The following ELAVL3 variants were observed in gnomAD, a reference collection of about 807,000 sequenced individuals.
ELAVL3 encodes the protein ELAV-like protein 3.
Under a neutral mutation model 34.2 loss-of-function variants are expected in ELAVL3, and 8 were observed. The observed-to-expected ratio is 0.23, with a 90% CI of 0.14 to 0.42. The LOEUF (loss-of-function observed/expected upper bound fraction) is 0.42. Among genes scored for constraint, ELAVL3 ranks in the 10% least tolerant of loss-of-function variants. The pLI, the probability that ELAVL3 is intolerant of heterozygous loss-of-function variation, is 1.00. For synonymous variants in ELAVL3, 209 were observed against 222.1 expected, an observed-to-expected ratio of 0.94 and a Z score of 0.53; for missense variants, 273 against 518.8, an observed-to-expected ratio of 0.53 and a Z score of 4.60.
At chr19:11,470,179 AC>A (rs1455214838) in intron 1 of ELAVL3, among the ~76,000 whole-genome samples, 1 of 151,134 alleles carries the variant, frequency 6.6e-6, no homozygotes, top group Non-Finnish European at 1.5e-5. Context: ...ATATGGTGAA[AC>A]CCCGCCTCTA....
chr19:11,475,864 C>G (rs149800546), intron 1 of ELAVL3, among the ~76,000 whole-genome samples: 15 of 152,254 alleles, frequency 9.9e-5, no homozygotes, highest in Non-Finnish European at 1.6e-4. Flanking sequence ...ACCTGCCTGC[C>G]TTGGCCTCCC....
At position 11,466,027 on chromosome 19, in the gene ELAVL3, T is replaced by C. The variant is rs902743984; in HGVS notation, c.333+145A>G. The C allele has an allele frequency of 1.8e-5, 13 of 737,116 alleles. No homozygotes were observed. Among genetic ancestry groups the C allele is most frequent in the African/African-American group, 3.5e-5 (2 of 57,202 alleles). 45.7% of individuals were successfully genotyped at this position (737,116 alleles called of 1,614,324 possible). ...TTGCCCCCACCCCAGCTAGGAAGTC[T>C]TGGAGGGGAGATTTGAGCCCCTCTG... On this transcript the variant is annotated intron_variant, in intron 3 of 6. Coordinates refer to ENST00000359227, the MANE Select transcript of ELAVL3 (RefSeq NM_001420.4). This position sits in a 1 kb window ranked among gnomAD's most constrained non-coding sequence, Gnocchi z 5.0.
Position 11,466,754 on chromosome 19 carries a change from A to G in ELAVL3, c.83T>C (p.Leu28Pro), listed in dbSNP as rs759692370. Residue 28 changes from leucine to proline, a missense_variant, in exon 2 of 7, where the codon CTT (leucine) becomes CCT (proline). Transcript: ENST00000359227. The surrounding 1 kb of genome is among the most constrained non-coding windows in gnomAD (Gnocchi z 5.0). ...AGPALPNGPLLGTNGATDDSK... is the reference protein window; with the variant it reads ...AGPALPNGPLPGTNGATDDSK... ...GTCGTCAGTGGCTCCATTTGTACCA[A>G]GGAGTGGCCCGTTGGGCAGGGCCGG... 6.2e-7 allele frequency: 1 copy of G among 1,614,132 alleles called. No homozygotes were observed. Among genetic ancestry groups the G allele is most frequent in the East Asian group, 2.2e-5 (1 of 44,866 alleles).
In ELAVL3 at chr19:11,454,787, G is replaced by T. The variant is rs532772287; in HGVS notation, c.843C>A (p.Gly281=). ...AGVGLSGGAA[G]AGWCIFVYNL... Reference sequence around the variant, plus strand: ...TGTACACGAAGATGCACCAGCCGGCGCCCGCCGCGCCCCCCGACAGGCCCA... The same window carrying T: ...TGTACACGAAGATGCACCAGCCGGCTCCCGCCGCGCCCCCCGACAGGCCCA... The change falls in exon 7 of 7, where the codon GGC becomes GGA. Residue 281 remains glycine (G), a synonymous_variant. Coordinates refer to ENST00000359227, the MANE Select transcript of ELAVL3 (RefSeq NM_001420.4). The surrounding 1 kb of genome is among the most constrained non-coding windows in gnomAD (Gnocchi z 9.2). The T allele has an allele frequency of 3.8e-5, 62 of 1,612,206 alleles. No homozygotes were observed. Among genetic ancestry groups the T allele is most frequent in the Non-Finnish European group, 5.0e-5 (59 of 1,179,762 alleles).
intron 1 of ELAVL3, among the ~76,000 whole-genome samples, chr19:11,472,413 C>T (rs1043710411): frequency 1.4e-4 from 21 of 152,054 alleles, no homozygotes; most frequent in Admixed American, 1.4e-3. Flanking sequence ...TCAGAAACCA[C>T]ATTTAGGCAA....
At position 11,453,849 on chromosome 19, in the gene ELAVL3, C is replaced by CT. The variant is rs1239977834; in HGVS notation, c.*676dup. The CT allele has an allele frequency of 3.4e-5, 3 of 89,426 alleles. No homozygotes were observed. The highest frequency in any genetic ancestry group is 3.7e-4 in the East Asian group (1 of 2,720). 5.5% of individuals were successfully genotyped at this position (89,426 alleles called of 1,614,324 possible). A position where few individuals can be genotyped will look rare whatever the true frequency, so the allele number is the denominator to read the frequency against. On this transcript the variant is annotated 3_prime_UTR_variant, in exon 7 of 7. Coordinates refer to ENST00000359227, the MANE Select transcript of ELAVL3 (RefSeq NM_001420.4). The stretch of plus-strand genomic sequence containing the variant: ...AAATATTTTCTTTTTTTTTTTTTGT[C>CT]TTTTTTTGTGTTTTTTTTTTTCAAG...
Position 11,457,122 on chromosome 19 carries a change from T to C in ELAVL3, c.740A>G (p.Tyr247Cys), listed in dbSNP as rs372263225. Residue 247 changes from tyrosine (Y) to cysteine (C), a missense_variant, in exon 6 of 7, where the codon TAC (tyrosine) becomes TGC (cysteine). Tyr to Cys is a radical substitution (Grantham distance 194). This residue lies in a region of ELAVL3 where 79 missense variants were observed against 108.2 expected (regional missense o/e 0.73). Coordinates refer to ENST00000359227, the MANE Select transcript of ELAVL3 (RefSeq NM_001420.4). ...GGGTCACTGTTACCTCTTGACGCCG[T>C]AGGCCATGTTGAGCAAATTGTCCAG... is the stretch of plus-strand genomic sequence containing the variant. ...FRLDNLLNMA[Y>C]GVKSPLSLIA... is the part of the protein sequence containing the mutation. 1 of 1,542,038 alleles carries C rather than the reference T, an allele frequency of 6.5e-7. No homozygotes were observed. Among genetic ancestry groups the C allele is most frequent in the Non-Finnish European group, 8.7e-7 (1 of 1,152,424 alleles).
chr19:11,459,384 C>T (rs1568379828), intron 3 of ELAVL3, among the ~76,000 whole-genome samples: 1 of 152,056 alleles, frequency 6.6e-6, no homozygotes, highest in Admixed American at 6.6e-5. Context: ...CCGCTCATCT[C>T]GGCCTCCCAA....
At position 11,466,830 on chromosome 19, in the gene ELAVL3, G is replaced by A. The variant is rs1439784467; in HGVS notation, c.10-3C>T. On this transcript the variant is annotated splice_polypyrimidine_tract_variant and splice_region_variant and intron_variant, in intron 1 of 6. Coordinates refer to ENST00000359227, the MANE Select transcript of ELAVL3 (RefSeq NM_001420.4). The surrounding 1 kb of genome is among the most constrained non-coding windows in gnomAD (Gnocchi z 5.0). The stretch of plus-strand genomic sequence containing the variant: ...GACTCCATGGCCCCCAGTATCTGCT[G>A]GAGATAACAGGTCGCATCCGCTCAC... 1.3e-6 allele frequency: 2 copies of A among 1,594,650 alleles called. No individual in the cohort carries two copies. The highest frequency in any genetic ancestry group is 1.8e-5 in the Admixed American group (1 of 56,026).
rs1970665673 is a variant in ELAVL3 at position 11,452,345 on chromosome 19, CAG to C, written c.*2179_*2180del. The C allele has an allele frequency of 6.6e-6, 1 of 152,036 alleles. No homozygotes were observed. The highest frequency in any genetic ancestry group is 1.5e-5 in the Non-Finnish European group (1 of 68,016). 9.4% of individuals were successfully genotyped at this position (152,036 alleles called of 1,614,324 possible). On this transcript the variant is annotated 3_prime_UTR_variant, in exon 7 of 7. Transcript: ENST00000359227. Reference sequence around the variant, plus strand: ...TTAACTTGCAAACCGGATGAAGTAACAGAAATATACACGGATGTCCTTACAGG... The same window carrying C: ...TTAACTTGCAAACCGGATGAAGTAACAAATATACACGGATGTCCTTACAGG...
At chr19:11,479,060 C>A (rs1011086558) in intron 1 of ELAVL3, among the ~76,000 whole-genome samples, 3 of 152,064 alleles carry the variant, frequency 2.0e-5, no homozygotes, top group Admixed American at 2.0e-4. Context: ...GTCCTCAAGG[C>A]CCTTGTGTGA....
chr19:11,466,924 T>C lies in ELAVL3; in HGVS notation c.10-97A>G, dbSNP rs563425318. The C allele has an allele frequency of 1.3e-4, 134 of 1,006,990 alleles. No individual in the cohort carries two copies. In the Admixed American group the frequency reaches 3.1e-3, roughly 23 times the overall value. The allele number at this position is 1,006,990 out of a possible 1,614,324, so 62.4% of individuals were successfully genotyped here. On this transcript the variant is annotated intron_variant, in intron 1 of 6. Coordinates refer to ENST00000359227, the MANE Select transcript of ELAVL3 (RefSeq NM_001420.4). This position sits in a 1 kb window ranked among gnomAD's most constrained non-coding sequence, Gnocchi z 5.0. ...GTGGTGATGAATTAGCCATGTCTTA[T>C]AGGGGCTTCGTCATGGGGAGGGGTC...
At chr19:11,457,963 C>T in intron 5 of ELAVL3, 98 bp downstream of exon 5, 3 of 1,336,906 alleles carry the variant, frequency 2.2e-6, no homozygotes, top group Non-Finnish European at 3.1e-6. Context: ...GTGTGCGCAC[C>T]CTCCCGGCAT....
At chr19:11,459,117 T>C (rs1471314818) in intron 3 of ELAVL3, among the ~76,000 whole-genome samples, 5 of 143,998 alleles carry the variant, frequency 3.5e-5, no homozygotes, top group Non-Finnish European at 7.5e-5. Context: ...CTGACCAGCA[T>C]TTTTTTTTTC....
chr19:11,456,165 G>A (rs907463403), intron 6 of ELAVL3, among the ~76,000 whole-genome samples: 2 of 151,930 alleles, frequency 1.3e-5, no homozygotes, highest in African/African-American at 4.8e-5. Context: ...GAGTGCAGTG[G>A]CACGATCTCA....
Position 11,480,520 on chromosome 19 carries a change from CGCA to C in ELAVL3, c.9+77_9+79del. The C allele has an allele frequency of 2.8e-6, 4 of 1,426,350 alleles. No individual in the cohort carries two copies. Among genetic ancestry groups the C allele is most frequent in the Non-Finnish European group, 2.8e-6 (3 of 1,087,124 alleles). 88.4% of individuals were successfully genotyped at this position (1,426,350 alleles called of 1,614,324 possible). A position where few individuals can be genotyped will look rare whatever the true frequency, so the allele number is the denominator to read the frequency against. On this transcript the variant is annotated intron_variant, in intron 1 of 6. Coordinates refer to ENST00000359227, the MANE Select transcript of ELAVL3 (RefSeq NM_001420.4). This position sits in a 1 kb window ranked among gnomAD's most constrained non-coding sequence, Gnocchi z 6.8. The stretch of plus-strand genomic sequence containing the variant: ...CTAGGCCTGGTCCTACCCCCCCCGC[CGCA>C]CCCGCCCAATCTCCGCGGAGCCTGG...
In ELAVL3 at chr19:11,452,900, C is replaced by T. The variant is rs1970684514; in HGVS notation, c.*1626G>A. 6.6e-6 allele frequency: 1 copy of T among 151,928 alleles called. No individual in the cohort carries two copies. Among genetic ancestry groups the T allele is most frequent in the South Asian group, 2.1e-4 (1 of 4,808 alleles). The allele number at this position is 151,928 out of a possible 1,614,324, so 9.4% of individuals were successfully genotyped here. A position where few individuals can be genotyped will look rare whatever the true frequency, so the allele number is the denominator to read the frequency against. ...TCCAGACAGAAGCCGGGGGCCGGGG[C>T]TCGAGATCGGGGGCTGTGTCCACTG... On this transcript the variant is annotated 3_prime_UTR_variant, in exon 7 of 7. Coordinates refer to ENST00000359227, the MANE Select transcript of ELAVL3 (RefSeq NM_001420.4).
chr19:11,479,058 G>A (rs948184158), intron 1 of ELAVL3, among the ~76,000 whole-genome samples: 2 of 152,184 alleles, frequency 1.3e-5, no homozygotes, highest in Admixed American at 1.3e-4. Context: ...AGGTCCTCAA[G>A]GCCCTTGTGT....
Position 11,480,538 on chromosome 19 carries a change from G to A in ELAVL3, c.9+62C>T, listed in dbSNP as rs900900467. On this transcript the variant is annotated intron_variant, in intron 1 of 6. Transcript: ENST00000359227. This position sits in a 1 kb window ranked among gnomAD's most constrained non-coding sequence, Gnocchi z 6.8. Reference sequence around the variant, plus strand: ...CCCCCGCCGCACCCGCCCAATCTCCGCGGAGCCTGGGCCCAACTCCTCCCC... The same window carrying A: ...CCCCCGCCGCACCCGCCCAATCTCCACGGAGCCTGGGCCCAACTCCTCCCC... 10 of 1,280,874 alleles carry A rather than the reference G, an allele frequency of 7.8e-6. No homozygotes were observed. Among genetic ancestry groups the A allele is most frequent in the Non-Finnish European group, 9.3e-6 (9 of 967,712 alleles). 79.3% of individuals were successfully genotyped at this position (1,280,874 alleles called of 1,614,324 possible).
Sources: gnomAD v4.1 joint callset for allele counts (sites outside exome capture counted in the v4.1 genomes callset) on GRCh38, gnomAD v4.1.1 for gene constraint, gnomAD v4.1.1 regional missense constraint, Gnocchi (gnomAD v3.1) non-coding constraint, MANE v1.5 for transcripts, NCBI Gene and HGNC (gene_info 2026-07-23, HGNC 2026-07-21) for gene names.